The following MAP7 variants were observed in gnomAD, a reference collection of about 807,000 sequenced individuals.
MAP7 encodes ensconsin.
Under a neutral mutation model 94.8 loss-of-function variants are expected in MAP7, and 52 were observed. That is an observed-to-expected ratio of 0.55 (90% confidence interval 0.44 to 0.69). The LOEUF (loss-of-function observed/expected upper bound fraction) is 0.69, where lower values mean the gene tolerates loss of function less well. MAP7 is among the 30% of genes least tolerant of loss of function. MAP7 has a pLI of 0.00. For synonymous variants in MAP7, 350 were observed against 357.0 expected (o/e 0.98, Z 0.22); for missense variants, 940 against 964.6 (o/e 0.97, Z 0.34).
rs1367819737 is a variant in MAP7 at position 136,450,487 on chromosome 6, T to A, written c.68-28688A>T. Among the ~76,000 whole-genome samples the A allele has an allele frequency of 2.6e-5, 4 of 152,050 alleles. No homozygotes were observed. In the East Asian group the frequency reaches 7.7e-4, roughly 29 times the overall value. On this transcript the variant is annotated intron_variant, in intron 1 of 17. Transcript: ENST00000354570. ...CTAGTACTTCCAAATAAAATAACTA[T>A]CTCAAATATTAAATTATCATTTCTT...
chr6:136,485,525 T>C (rs954629549), intron 1 of MAP7, among the ~76,000 whole-genome samples: 12 of 151,920 alleles, frequency 7.9e-5, no homozygotes, highest in African/African-American at 2.4e-4. Context: ...GTAACAAAGT[T>C]TGATGACTTA....
chr6:136,369,014 G>T (rs1475006788), intron 8 of MAP7, among the ~76,000 whole-genome samples: 1 of 152,230 alleles, frequency 6.6e-6, no homozygotes, highest in East Asian at 1.9e-4. Flanking sequence ...ACATATTACA[G>T]GTTGAGTATC....
chr6:136,531,651 C>T (rs888468465), intron 1 of MAP7, among the ~76,000 whole-genome samples: 2 of 144,314 alleles, frequency 1.4e-5, no homozygotes, highest in African/African-American at 2.9e-5. Flanking sequence ...TATGTAACTA[C>T]TTCGTCCAAG....
At chr6:136,454,160 A>G (rs1349278686) in intron 1 of MAP7, among the ~76,000 whole-genome samples, 4 of 152,124 alleles carry the variant, frequency 2.6e-5, no homozygotes, top group Non-Finnish European at 4.4e-5. Flanking sequence ...TCCACAAATG[A>G]TGAGCCAGCT....
intron 3 of MAP7, among the ~76,000 whole-genome samples, chr6:136,404,519 C>G (rs1328322890): frequency 6.6e-6 from 1 of 152,110 alleles, no homozygotes; most frequent in African/African-American, 2.4e-5. Flanking sequence ...TTGAACTTAG[C>G]TACAAAACTC....
intron 1 of MAP7, among the ~76,000 whole-genome samples, chr6:136,451,824 C>G (rs1801211358): frequency 6.6e-6 from 1 of 152,164 alleles, no homozygotes; most frequent in Non-Finnish European, 1.5e-5. Flanking sequence ...AGGTTAGTAA[C>G]TGCAGCTGTT....
chr6:136,497,815 A>G (rs113929913), intron 1 of MAP7, among the ~76,000 whole-genome samples: 49 of 151,484 alleles, frequency 3.2e-4, no homozygotes, highest in African/African-American at 1.1e-3. Flanking sequence ...AAAAAAAAAA[A>G]AAAAGAAAGC....
intron 4 of MAP7, among the ~76,000 whole-genome samples, chr6:136,389,114 A>G (rs987969021): frequency 2.6e-5 from 4 of 152,212 alleles, no homozygotes; most frequent in African/African-American, 7.2e-5. Context: ...TTGCACTTCA[A>G]TAAGTTATAG....
At chr6:136,470,867 T>C (rs565528387) in intron 1 of MAP7, among the ~76,000 whole-genome samples, 2 of 152,262 alleles carry the variant, frequency 1.3e-5, no homozygotes, top group East Asian at 1.9e-4. Context: ...GCACTTACAG[T>C]GTATTCTCAT....
chr6:136,467,154 A>G (rs1388945062), intron 1 of MAP7, among the ~76,000 whole-genome samples: 5 of 152,218 alleles, frequency 3.3e-5, no homozygotes, highest in African/African-American at 1.2e-4. Flanking sequence ...AGAGGCCCCA[A>G]ACAGAATGCA....
chr6:136,456,357 G>C (rs1802849811), intron 1 of MAP7, among the ~76,000 whole-genome samples: 1 of 152,028 alleles, frequency 6.6e-6, no homozygotes, highest in Non-Finnish European at 1.5e-5. Context: ...AAAATTTATA[G>C]CTATAAATGC....
At chr6:136,351,248 A>AG (rs1370443972) in intron 16 of MAP7, among the ~76,000 whole-genome samples, 2 of 145,782 alleles carry the variant, frequency 1.4e-5, no homozygotes, top group Non-Finnish European at 3.1e-5. Flanking sequence ...AAAAAAAAAA[A>AG]AAAAACGAAA....
intron 1 of MAP7, among the ~76,000 whole-genome samples, chr6:136,530,021 T>C (rs1336315187): frequency 2.0e-5 from 3 of 151,966 alleles, no homozygotes; most frequent in Non-Finnish European, 2.9e-5. Flanking sequence ...TACGCACACA[T>C]AGAGTCAGCT....
At chr6:136,496,844 C>T (rs1362441796) in intron 1 of MAP7, among the ~76,000 whole-genome samples, 1 of 148,696 alleles carries the variant, frequency 6.7e-6, no homozygotes, top group East Asian at 2.0e-4. Context: ...ATTCCAGCTA[C>T]TCGGGAGGCT....
chr6:136,396,538 T>C (rs562962725), intron 3 of MAP7, among the ~76,000 whole-genome samples: 1 of 152,278 alleles, frequency 6.6e-6, no homozygotes, highest in South Asian at 2.1e-4. Context: ...ATTTAGATGG[T>C]CTTTATTTCT....
intron 3 of MAP7, among the ~76,000 whole-genome samples, chr6:136,396,878 C>T (rs545949657): frequency 4.6e-5 from 7 of 152,046 alleles, no homozygotes; most frequent in East Asian, 1.9e-4. Context: ...TTGTTTTTGT[C>T]GTCATAATCA....
At chr6:136,513,309 A>G (rs1823798945) in intron 1 of MAP7, among the ~76,000 whole-genome samples, 1 of 152,222 alleles carries the variant, frequency 6.6e-6, no homozygotes, top group Admixed American at 6.5e-5. Context: ...TGCTTTATCA[A>G]CTAAGCTTAT....
chr6:136,448,454 G>A (rs545125900), intron 1 of MAP7, among the ~76,000 whole-genome samples: 10 of 146,598 alleles, frequency 6.8e-5, no homozygotes, highest in African/African-American at 2.0e-4. Context: ...TGCTCTTATC[G>A]TCCAGGCTGG....
chr6:136,361,558 G>A (rs771659864), intron 11 of MAP7, among the ~76,000 whole-genome samples: 46 of 152,242 alleles, frequency 3.0e-4, no homozygotes, highest in Admixed American at 5.2e-4. Flanking sequence ...AAGGGTCACA[G>A]TGTTCTGTCA....
Sources: gnomAD v4.1 joint callset for allele counts (sites outside exome capture counted in the v4.1 genomes callset) on GRCh38, gnomAD v4.1.1 for gene constraint, MANE v1.5 for transcripts, NCBI Gene and HGNC (gene_info 2026-07-23, HGNC 2026-07-21) for gene names.